The following CACNB4 variants were observed in gnomAD, a reference collection of about 807,000 sequenced individuals.
CACNB4 encodes voltage-dependent L-type calcium channel subunit beta-4.
In CACNB4, 32 loss-of-function variants were observed where a neutral mutation model predicts 71.2. That is an observed-to-expected ratio of 0.45 (90% CI 0.34 to 0.60). CACNB4 has a LOEUF of 0.60. CACNB4 is among the 20% of genes least tolerant of loss of function. The pLI is 0.01. For missense variants in CACNB4, 464 were observed against 647.9 expected (o/e 0.72, Z 3.08); for synonymous variants, 231 against 236.9 (o/e 0.97, Z 0.23).
intron 2 of CACNB4, among the ~76,000 whole-genome samples, chr2:152,019,382 G>A (rs987342741): frequency 2.0e-5 from 3 of 152,140 alleles, no homozygotes; most frequent in African/African-American, 7.2e-5. Context: ...AGATGTATAT[G>A]AGTGTATGAT....
At chr2:152,001,994 A>G (rs1009188784) in intron 2 of CACNB4, among the ~76,000 whole-genome samples, 1 of 152,186 alleles carries the variant, frequency 6.6e-6, no homozygotes, top group African/African-American at 2.4e-5. Flanking sequence ...AACAACGAGC[A>G]TTTCTCCAAG....
At chr2:152,035,603 T>TTCTCTCTCTC (rs1208555347) in intron 2 of CACNB4, among the ~76,000 whole-genome samples, 1 of 69,748 alleles carries the variant, frequency 1.4e-5, no homozygotes, top group Non-Finnish European at 3.0e-5. Context: ...CTCTCTCTCT[T>TTCTCTCTCTC]TCTCTCTCTC....
chr2:152,029,967 G>C (rs1275852640), intron 2 of CACNB4, among the ~76,000 whole-genome samples: 1 of 152,168 alleles, frequency 6.6e-6, no homozygotes, highest in African/African-American at 2.4e-5. Context: ...GTGGCATCCT[G>C]AGCTGACTAA....
intron 2 of CACNB4, among the ~76,000 whole-genome samples, chr2:152,094,435 A>G (rs1019409597): frequency 1.3e-5 from 2 of 152,194 alleles, no homozygotes; most frequent in Non-Finnish European, 2.9e-5. Context: ...GCCTCATAAG[A>G]GCAGACTTAA....
intron 2 of CACNB4, among the ~76,000 whole-genome samples, chr2:151,992,715 G>A (rs1299271846): frequency 6.6e-6 from 1 of 152,140 alleles, no homozygotes; most frequent in Non-Finnish European, 1.5e-5. Context: ...TTGCAATCAG[G>A]AAGCAATCCT....
At chr2:151,912,602 G>C (rs541098872) in intron 2 of CACNB4, among the ~76,000 whole-genome samples, 1 of 152,302 alleles carries the variant, frequency 6.6e-6, no homozygotes, top group South Asian at 2.1e-4. Context: ...GTCAATTTTA[G>C]AATAAATGCC....
At chr2:152,075,230 TAGAAC>T (rs1560182135) in intron 2 of CACNB4, among the ~76,000 whole-genome samples, 1 of 152,210 alleles carries the variant, frequency 6.6e-6, no homozygotes, top group African/African-American at 2.4e-5. Flanking sequence ...CAGAAAGTGA[TAGAAC>T]ATGGACTCAG....
intron 2 of CACNB4, among the ~76,000 whole-genome samples, chr2:152,013,217 GTT>G (rs1489541155): frequency 6.6e-6 from 1 of 152,108 alleles, no homozygotes; most frequent in African/African-American, 2.4e-5. Context: ...ATAATGATGT[GTT>G]TTTCAGAACG....
chr2:152,025,819 T>C (rs905757780), intron 2 of CACNB4, among the ~76,000 whole-genome samples: 5 of 152,238 alleles, frequency 3.3e-5, no homozygotes, highest in African/African-American at 1.2e-4. Context: ...AAGTCACAGT[T>C]ACACTTGTTA....
chr2:151,930,941 T>C (rs1158970770), intron 2 of CACNB4, among the ~76,000 whole-genome samples: 1 of 152,218 alleles, frequency 6.6e-6, no homozygotes, highest in Non-Finnish European at 1.5e-5. Context: ...CAACTACTTA[T>C]GGGAATTAGA....
At chr2:151,868,322 G>A (rs772718344) in intron 9 of CACNB4, 14 of 152,084 alleles carry the variant, frequency 9.2e-5, no homozygotes, top group Admixed American at 2.6e-4. Context: ...GTAATAAACT[G>A]GATGCATTTG....
intron 2 of CACNB4, among the ~76,000 whole-genome samples, chr2:151,932,184 CT>C (rs1428561166): frequency 1.3e-5 from 2 of 151,666 alleles, no homozygotes; most frequent in African/African-American, 4.8e-5. Flanking sequence ...TTTTAAATAA[CT>C]TTTATAAATT....
At chr2:151,974,045 G>A (rs554830361) in intron 2 of CACNB4, 46 of 963,178 alleles carry the variant, frequency 4.8e-5, no homozygotes, top group South Asian at 1.7e-4. Context: ...GCGTTCCCTC[G>A]GAGAGTGGAG....
chr2:152,044,905 A>G (rs1006393271), intron 2 of CACNB4, among the ~76,000 whole-genome samples: 5 of 152,196 alleles, frequency 3.3e-5, no homozygotes, highest in African/African-American at 1.2e-4. Flanking sequence ...AAAGTTAACA[A>G]TAATAAAAGT....
chr2:152,076,462 G>A (rs185512514), intron 2 of CACNB4, among the ~76,000 whole-genome samples: 187 of 151,816 alleles, frequency 1.2e-3, no homozygotes, highest in East Asian at 4.5e-3. Context: ...GCGCCTGGCC[G>A]CTTTTCATTT....
At chr2:151,933,018 T>G (rs2099862016) in intron 2 of CACNB4, among the ~76,000 whole-genome samples, 1 of 151,794 alleles carries the variant, frequency 6.6e-6, no homozygotes, top group African/African-American at 2.4e-5. Flanking sequence ...AACATGGCCC[T>G]GCCAACACCT....
At chr2:151,903,516 TA>T (rs529072860) in intron 2 of CACNB4, among the ~76,000 whole-genome samples, 119 of 150,784 alleles carry the variant, frequency 7.9e-4, no homozygotes, top group East Asian at 6.6e-3. Flanking sequence ...GAGATTGTCT[TA>T]AAAAAAAAAT....
chr2:152,018,967 TG>T (rs1051813256), intron 2 of CACNB4, among the ~76,000 whole-genome samples: 6 of 151,226 alleles, frequency 4.0e-5, no homozygotes, highest in African/African-American at 1.5e-4. Context: ...AATTTATTGA[TG>T]GGGGTGGGTG....
chr2:151,965,097 T>C (rs2099870731), intron 2 of CACNB4, among the ~76,000 whole-genome samples: 2 of 152,224 alleles, frequency 1.3e-5, no homozygotes, highest in Admixed American at 1.3e-4. Flanking sequence ...CCCCAAGACA[T>C]TAATCTCCAG....
Sources: allele counts gnomAD v4.1 joint callset (sites outside exome capture counted in the v4.1 genomes callset), GRCh38; gene constraint gnomAD v4.1.1; transcripts MANE v1.5; gene names NCBI Gene and HGNC (gene_info 2026-07-23, HGNC 2026-07-21).